The following PRKCQ variants were observed in gnomAD, a reference collection of about 807,000 sequenced individuals.
PRKCQ encodes protein kinase C theta.
Under a neutral mutation model 91.2 loss-of-function variants are expected in PRKCQ, and 41 were observed. That is an observed-to-expected ratio of 0.45 (90% CI 0.35 to 0.58). PRKCQ has a LOEUF of 0.58. Among genes scored for constraint, PRKCQ ranks in the 20% least tolerant of loss-of-function variants. The pLI, the probability that PRKCQ is intolerant of heterozygous loss-of-function variation, is 0.00. For missense variants in PRKCQ, 673 were observed against 896.5 expected, an observed-to-expected ratio of 0.75 and a Z score of 3.18; for synonymous variants, 307 against 316.9, an observed-to-expected ratio of 0.97 and a Z score of 0.33.
At chr10:6,413,587 T>TGCAC in the PRKCQ span, among the ~76,000 whole-genome samples, 2 of 10,724 alleles carry the variant, frequency 1.9e-4, 1 homozygote, top group African/African-American at 5.0e-4. Context: ...ATGCCACTTG[T>TGCAC]GCACACACAC....
At chr10:6,509,026 CCTGTTGGCT>C (rs1838338097) in intron 3 of PRKCQ, among the ~76,000 whole-genome samples, 2 of 152,114 alleles carry the variant, frequency 1.3e-5, no homozygotes, top group East Asian at 3.8e-4. Flanking sequence ...GTCCCAACAA[CCTGTTGGCT>C]CTTAAAATAA....
At chr10:6,509,567 C>T (rs904419561) in intron 3 of PRKCQ, among the ~76,000 whole-genome samples, 1 of 152,184 alleles carries the variant, frequency 6.6e-6, no homozygotes, top group African/African-American at 2.4e-5. Flanking sequence ...TGCCACCACG[C>T]CTGGCTAATT....
chr10:6,511,370 C>T (rs906955677), intron 2 of PRKCQ, among the ~76,000 whole-genome samples, 176 bp from the exon 3 acceptor site: 2 of 152,106 alleles, frequency 1.3e-5, no homozygotes, highest in South Asian at 2.1e-4. Context: ...AGACAGTCCC[C>T]GGGTCCAGAT....
chr10:6,492,805 G>A (rs1213677859), intron 7 of PRKCQ, among the ~76,000 whole-genome samples: 1 of 152,186 alleles, frequency 6.6e-6, no homozygotes, highest in Non-Finnish European at 1.5e-5. Flanking sequence ...ATTTTCTAAA[G>A]GTTTATAATC....
Position 6,515,121 on chromosome 10 carries a change from A to AAGAAATGGC in PRKCQ, c.6_14dup (p.Pro3_Leu5dup). 1 of 1,613,822 alleles carries AAGAAATGGC rather than the reference A, an allele frequency of 6.2e-7. No homozygotes were observed. Among genetic ancestry groups the AAGAAATGGC allele is most frequent in the Non-Finnish European group, 8.5e-7 (1 of 1,179,934 alleles). On this transcript the variant is annotated inframe_insertion, in exon 2 of 18. Coordinates refer to ENST00000263125, the MANE Select transcript of PRKCQ (RefSeq NM_006257.5). ...AGTCAAAGTTGGACAAGCCAATCCG[A>AAGAAATGGC]AGAAATGGCGACATGGTTGCGCCCT...
chr10:6,542,060 T>C (rs1220958574), intron 1 of PRKCQ, among the ~76,000 whole-genome samples: 1 of 152,244 alleles, frequency 6.6e-6, no homozygotes, highest in Non-Finnish European at 1.5e-5. Context: ...GGCAGAAGCC[T>C]GGGATGCACA....
intron 15 of PRKCQ, among the ~76,000 whole-genome samples, chr10:6,456,035 G>T (rs1183854245): frequency 6.6e-6 from 1 of 152,148 alleles, no homozygotes; most frequent in Non-Finnish European, 1.5e-5. Flanking sequence ...TGGGCAGCTG[G>T]GGAGGATTCT....
chr10:6,507,576 T>A, intron 3 of PRKCQ, 80 bp from the exon 4 acceptor site: 9 of 1,212,086 alleles, frequency 7.4e-6, no homozygotes, highest in Non-Finnish European at 1.1e-5. Context: ...CTACTGACGA[T>A]GGCAGGAGAT....
intron 16 of PRKCQ, among the ~76,000 whole-genome samples, chr10:6,435,116 G>A (rs1833635954): frequency 6.6e-6 from 1 of 152,074 alleles, no homozygotes; most frequent in African/African-American, 2.4e-5. Flanking sequence ...GGGAGTAAAG[G>A]GTGTTTCTTT....
Position 6,450,400 on chromosome 10 carries a change from T to C in PRKCQ, c.1647+6274A>G, listed in dbSNP as rs868359170. 6.8e-3 allele frequency among the ~76,000 whole-genome samples: 1,032 copies of C among 151,996 alleles called. 12 individuals are homozygous for C. The highest frequency in any genetic ancestry group is 0.024 in the African/African-American group (984 of 41,384). ...GCTAACTATCCTAAATATATATGCA[T>C]CCAATACAGGAGCACCCAGATTCAT... On this transcript the variant is annotated intron_variant, in intron 15 of 17. Coordinates refer to ENST00000263125, the MANE Select transcript of PRKCQ (RefSeq NM_006257.5).
chr10:6,547,781 A>G (rs1209030470), intron 1 of PRKCQ, among the ~76,000 whole-genome samples: 1 of 151,916 alleles, frequency 6.6e-6, no homozygotes, highest in Non-Finnish European at 1.5e-5. Context: ...TAAAAACCCT[A>G]GAAGAAAACC....
chr10:6,551,599 T>C (rs1304196497), intron 1 of PRKCQ, among the ~76,000 whole-genome samples: 1 of 152,116 alleles, frequency 6.6e-6, no homozygotes, highest in East Asian at 1.9e-4. Context: ...GGTTTCACCA[T>C]GTTAACCAGG....
the PRKCQ span, among the ~76,000 whole-genome samples, chr10:6,404,442 TTC>T: frequency 7.2e-5 from 11 of 151,734 alleles, no homozygotes; most frequent in East Asian, 1.7e-3. Context: ...CTCTCTTTCT[TTC>T]TCTTTCCTTT....
the PRKCQ span, among the ~76,000 whole-genome samples, chr10:6,401,625 G>A: frequency 6.6e-6 from 1 of 152,032 alleles, no homozygotes; most frequent in African/African-American, 2.4e-5. Flanking sequence ...CTGAGCGCCA[G>A]CCACTTGGTG....
intron 15 of PRKCQ, among the ~76,000 whole-genome samples, chr10:6,446,541 T>G (rs944137621): frequency 4.6e-5 from 7 of 152,016 alleles, no homozygotes; most frequent in African/African-American, 1.7e-4. Flanking sequence ...AATTTTTGTA[T>G]TTTTAGTAGA....
chr10:6,499,796 A>C (rs1197339017), intron 4 of PRKCQ, among the ~76,000 whole-genome samples: 6 of 152,188 alleles, frequency 3.9e-5, no homozygotes, highest in Non-Finnish European at 7.3e-5. Context: ...GTTTGGGGCA[A>C]ATTATCTTCC....
chr10:6,532,521 G>A (rs956534920), intron 1 of PRKCQ, among the ~76,000 whole-genome samples: 3 of 151,204 alleles, frequency 2.0e-5, no homozygotes, highest in Admixed American at 2.0e-4. Context: ...ATCCCACCCC[G>A]AATGCACCCA....
chr10:6,566,121 C>T lies in PRKCQ; in HGVS notation c.-10+14090G>A, dbSNP rs1840827381. Among the ~76,000 whole-genome samples, 4 of 152,190 alleles carry T rather than the reference C, an allele frequency of 2.6e-5. No individual in the cohort carries two copies. In the South Asian group the frequency reaches 8.3e-4, roughly 31 times the overall value. On this transcript the variant is annotated intron_variant, in intron 1 of 17. Coordinates refer to ENST00000263125, the MANE Select transcript of PRKCQ (RefSeq NM_006257.5). Reference sequence around the variant, plus strand: ...ATCATAACCTTCCTTGTGTTACCATCCCCACTAACACTGTAGAACGAATCA... The same window carrying T: ...ATCATAACCTTCCTTGTGTTACCATTCCCACTAACACTGTAGAACGAATCA...
intron 4 of PRKCQ, among the ~76,000 whole-genome samples, chr10:6,499,620 T>C (rs1034092946): frequency 6.6e-6 from 1 of 152,228 alleles, no homozygotes; most frequent in Admixed American, 6.5e-5. Flanking sequence ...AGTTATAATT[T>C]TGTAATAGCT....
Sources: allele counts gnomAD v4.1 joint callset (sites outside exome capture counted in the v4.1 genomes callset), GRCh38; gene constraint gnomAD v4.1.1; transcripts MANE v1.5; gene names NCBI Gene and HGNC (gene_info 2026-07-23, HGNC 2026-07-21).